The following PRR3 variants were observed in gnomAD, a reference collection of about 807,000 sequenced individuals.
The protein encoded by PRR3 is proline rich 3, also known as proline-rich protein 3.
PRR3 carries 16 observed loss-of-function variants against 22.4 expected under a neutral mutation model. The observed-to-expected ratio is 0.71, with a 90% CI of 0.48 to 1.09. The LOEUF (loss-of-function observed/expected upper bound fraction) is 1.09, where lower values mean the gene tolerates loss of function less well. PRR3 is among the 50% of genes least tolerant of loss of function. PRR3 has a pLI of 0.00. For missense variants in PRR3, 224 were observed against 243.4 expected, an observed-to-expected ratio of 0.92 and a Z score of 0.53; for synonymous variants, 87 against 88.6, an observed-to-expected ratio of 0.98 and a Z score of 0.10.
chr6:30,559,031 C>T (rs938142979), intron 2 of PRR3, among the ~76,000 whole-genome samples: 24 of 152,296 alleles, frequency 1.6e-4, no homozygotes, highest in African/African-American at 5.8e-4. Context: ...AAGAAATGCA[C>T]GTATACACAC....
chr6:30,559,032 G>A (rs1234324585), intron 2 of PRR3, among the ~76,000 whole-genome samples: 2 of 152,202 alleles, frequency 1.3e-5, no homozygotes, highest in African/African-American at 4.8e-5. Context: ...AGAAATGCAC[G>A]TATACACACT....
Position 30,562,406 on chromosome 6 carries a change from G to A in PRR3, c.478G>A (p.Val160Ile), listed in dbSNP as rs770197063. The change falls in exon 4 of 4, where the codon GTC becomes ATC. Residue 160 changes from valine to isoleucine, a missense_variant. Coordinates refer to ENST00000376560, the MANE Select transcript of PRR3 (RefSeq NM_025263.4). ...QVMEDKSDRPVCRHFAKKGHC... is the reference protein window; with the variant it reads ...QVMEDKSDRPICRHFAKKGHC... ...GTTCACAGACAAATCCGACCGCCCT[G>A]TCTGCCGACATTTTGCCAAAAAGGG... The A allele has an allele frequency of 6.8e-6, 11 of 1,614,042 alleles. No homozygotes were observed. The highest frequency in any genetic ancestry group is 6.8e-6 in the Non-Finnish European group (8 of 1,179,934).
chr6:30,556,988 G>A (rs1161602666), upstream of PRR3: 2 of 653,990 alleles, frequency 3.1e-6, no homozygotes, highest in Non-Finnish European at 5.5e-6. This position sits in a 1 kb window ranked among gnomAD's most constrained non-coding sequence, Gnocchi z 5.7. Flanking sequence ...CGATCTTACG[G>A]TGCGACAGTC....
chr6:30,563,685 A>G lies in PRR3; in HGVS notation c.*1190A>G, dbSNP rs1328798464. ...TTTTTTTCTTTTTAACTTTTTTTATATTAGTAATAAATGCAGTGGAAACCA... is the reference window on the plus strand; with the variant it reads ...TTTTTTTCTTTTTAACTTTTTTTATGTTAGTAATAAATGCAGTGGAAACCA... On this transcript the variant is annotated 3_prime_UTR_variant, in exon 4 of 4. Coordinates refer to ENST00000376560, the MANE Select transcript of PRR3 (RefSeq NM_025263.4). 1 of 146,328 alleles carries G rather than the reference A, an allele frequency of 6.8e-6. No homozygotes were observed. The highest frequency in any genetic ancestry group is 2.5e-5 in the African/African-American group (1 of 39,512). The allele number at this position is 146,328 out of a possible 1,614,324, so 9.1% of individuals were successfully genotyped here. A position where few individuals can be genotyped will look rare whatever the true frequency, so the allele number is the denominator to read the frequency against.
upstream of PRR3, chr6:30,557,271 AG>A: frequency 8.6e-7 from 1 of 1,156,374 alleles, no homozygotes; most frequent in Non-Finnish European, 1.3e-6. Context: ...ACCCCCCGGA[AG>A]CGGAAACAGA....
chr6:30,562,584 G>C lies in PRR3; in HGVS notation c.*89G>C. On this transcript the variant is annotated 3_prime_UTR_variant, in exon 4 of 4. Coordinates refer to ENST00000376560, the MANE Select transcript of PRR3 (RefSeq NM_025263.4). ...GTAGCCCTATGATGGCTACTGTGAG[G>C]CTCTTCTAACACCCTCAGTCAGTGA... 2.4e-6 allele frequency: 2 copies of C among 825,782 alleles called. No individual in the cohort carries two copies. The highest frequency in any genetic ancestry group is 3.9e-5 in the Admixed American group (2 of 50,732). 51.2% of individuals were successfully genotyped at this position (825,782 alleles called of 1,614,324 possible).
At chr6:30,562,166 TA>T (rs1189674596) in intron 3 of PRR3, 42 bp downstream of exon 3, 2 of 1,515,746 alleles carry the variant, frequency 1.3e-6, no homozygotes, top group Non-Finnish European at 1.8e-6. Flanking sequence ...CAGAGTGACC[TA>T]ATTTTCAGAA....
At chr6:30,556,883 GGAAACCC>G (rs1800252071), upstream of PRR3, 1 of 598,786 alleles carries the variant, frequency 1.7e-6, no homozygotes, top group Non-Finnish European at 3.0e-6. This position sits in a 1 kb window ranked among gnomAD's most constrained non-coding sequence, Gnocchi z 5.7. Flanking sequence ...GGGCGAGAAG[GGAAACCC>G]AAGCGGGACA....
At chr6:30,558,120 T>C in intron 1 of PRR3, 30 bp from the exon 2 acceptor site, 1 of 1,579,836 alleles carries the variant, frequency 6.3e-7, no homozygotes, top group East Asian at 2.2e-5. Flanking sequence ...TAATCCATTC[T>C]GATGACCATA....
At chr6:30,558,604 C>T (rs1442794275) in intron 2 of PRR3, among the ~76,000 whole-genome samples, 3 of 152,126 alleles carry the variant, frequency 2.0e-5, no homozygotes, top group Non-Finnish European at 2.9e-5. Flanking sequence ...GTGCGAGGAT[C>T]CTTTGAGCCC....
chr6:30,562,697 C>G lies in PRR3; in HGVS notation c.*202C>G. On this transcript the variant is annotated 3_prime_UTR_variant, in exon 4 of 4. Coordinates refer to ENST00000376560, the MANE Select transcript of PRR3 (RefSeq NM_025263.4). Reference sequence around the variant, plus strand: ...CGCGGCATACGCGCTTTCTTCTGATCCAGCCTGTAGAGACTCGCCTTTGGG... The same window carrying G: ...CGCGGCATACGCGCTTTCTTCTGATGCAGCCTGTAGAGACTCGCCTTTGGG... The G allele has an allele frequency of 1.9e-6, 1 of 519,894 alleles. No homozygotes were observed. The highest frequency in any genetic ancestry group is 3.4e-6 in the Non-Finnish European group (1 of 293,162). The allele number at this position is 519,894 out of a possible 1,614,324, so 32.2% of individuals were successfully genotyped here. A position where few individuals can be genotyped will look rare whatever the true frequency, so the allele number is the denominator to read the frequency against.
rs200526247 is a variant in PRR3, at chr6:30,561,980, G to A, written c.316G>A (p.Ala106Thr). 276 of 1,612,936 alleles carry A rather than the reference G, an allele frequency of 1.7e-4. 1 individual carries two copies. The highest frequency in any genetic ancestry group is 2.2e-4 in the Non-Finnish European group (256 of 1,180,038). Residue 106 changes from alanine to threonine, a missense_variant, in exon 3 of 4, where the codon GCA (alanine) becomes ACA (threonine). Coordinates refer to ENST00000376560, the MANE Select transcript of PRR3 (RefSeq NM_025263.4). This position sits in a 1 kb window ranked among gnomAD's most constrained non-coding sequence, Gnocchi z 4.0. Reference sequence around the variant, plus strand: ...TGGTCGTGGTTGGTGGGGAGTCAATGCAGAACCTCCTTTTCCGGGGCCAGG... The same window carrying A: ...TGGTCGTGGTTGGTGGGGAGTCAATACAGAACCTCCTTTTCCGGGGCCAGG... ...PYGRGWWGVN[A>T]EPPFPGPGHG...
chr6:30,562,443 A>T lies in PRR3; in HGVS notation c.515A>T (p.Tyr172Phe). Reference sequence around the variant, plus strand: ...TTTGCCAAAAAGGGCCACTGTCGATATGAGGACCTCTGTGCCTTCTACCAT... The same window carrying T: ...TTTGCCAAAAAGGGCCACTGTCGATTTGAGGACCTCTGTGCCTTCTACCAT... ...RHFAKKGHCR[Y>F]EDLCAFYHPG... Residue 172 changes from tyrosine to phenylalanine, a missense_variant, in exon 4 of 4, where the codon TAT becomes TTT. Transcript: ENST00000376560. The T allele has an allele frequency of 6.2e-7, 1 of 1,614,220 alleles. No homozygotes were observed. Among genetic ancestry groups the T allele is most frequent in the South Asian group, 1.1e-5 (1 of 91,084 alleles).
At position 30,561,474 on chromosome 6, in the gene PRR3, G is replaced by A. The variant is rs541897740; in HGVS notation, c.170-360G>A. On this transcript the variant is annotated intron_variant, in intron 2 of 3. Coordinates refer to ENST00000376560, the MANE Select transcript of PRR3 (RefSeq NM_025263.4). The surrounding 1 kb of genome is among the most constrained non-coding windows in gnomAD (Gnocchi z 4.0). ...GGATGAATCTCACAAACATGATGTT[G>A]AGCGAAAGGAGCCAGACATAAAAGA... is the stretch of plus-strand genomic sequence containing the variant. 1 of 519,008 alleles carries A rather than the reference G, an allele frequency of 1.9e-6. No individual in the cohort carries two copies. Among genetic ancestry groups the A allele is most frequent in the Admixed American group, 2.3e-5 (1 of 43,176 alleles). 32.2% of individuals were successfully genotyped at this position (519,008 alleles called of 1,614,324 possible). A position where few individuals can be genotyped will look rare whatever the true frequency, so the allele number is the denominator to read the frequency against.
chr6:30,561,275 C>T lies in PRR3; in HGVS notation c.170-559C>T, dbSNP rs1335489183. On this transcript the variant is annotated intron_variant, in intron 2 of 3. Coordinates refer to ENST00000376560, the MANE Select transcript of PRR3 (RefSeq NM_025263.4). The surrounding 1 kb of genome is among the most constrained non-coding windows in gnomAD (Gnocchi z 4.0). ...CGTATATATTCAACAGAAATGCATA[C>T]GTATGTGTAACAACATGTATAAAAA... The T allele has an allele frequency of 8.9e-6, 4 of 447,332 alleles. No homozygotes were observed. The highest frequency in any genetic ancestry group is 4.8e-5 in the Admixed American group (2 of 41,446). The allele number at this position is 447,332 out of a possible 1,614,324, so 27.7% of individuals were successfully genotyped here.
intron 2 of PRR3, chr6:30,560,079 C>G (rs1269777393): frequency 1.3e-5 from 2 of 152,242 alleles, no homozygotes; most frequent in Non-Finnish European, 1.5e-5. Context: ...AAGTCAAATT[C>G]AGGGGCTGGG....
Position 30,563,243 on chromosome 6 carries a change from A to G in PRR3, c.*748A>G, listed in dbSNP as rs1490213481. ...GCCCTCTGGACTTTCCCACTTCCCA[A>G]CATGGGAGAATTGTGAACTTTCCAT... On this transcript the variant is annotated 3_prime_UTR_variant, in exon 4 of 4. Coordinates refer to ENST00000376560, the MANE Select transcript of PRR3 (RefSeq NM_025263.4). 6.6e-6 allele frequency: 1 copy of G among 152,522 alleles called. No individual in the cohort carries two copies. Among genetic ancestry groups the G allele is most frequent in the East Asian group, 1.9e-4 (1 of 5,190 alleles). 9.4% of individuals were successfully genotyped at this position (152,522 alleles called of 1,614,324 possible). A position where few individuals can be genotyped will look rare whatever the true frequency, so the allele number is the denominator to read the frequency against.
rs1018729878 is a variant in PRR3 at position 30,557,305 on chromosome 6, C to T, written c.-40C>T. On this transcript the variant is annotated 5_prime_UTR_variant, in exon 1 of 4. Transcript: ENST00000376560. Reference sequence around the variant, plus strand: ...AGAATCCCCGCGTGCCCCTTCCTCACTACCCTCCAAATCCCGCTGCAGCCA... The same window carrying T: ...AGAATCCCCGCGTGCCCCTTCCTCATTACCCTCCAAATCCCGCTGCAGCCA... 29 of 1,539,414 alleles carry T rather than the reference C, an allele frequency of 1.9e-5. No homozygotes were observed. Among genetic ancestry groups the T allele is most frequent in the Non-Finnish European group, 2.6e-5 (29 of 1,120,506 alleles).
intron 2 of PRR3, among the ~76,000 whole-genome samples, chr6:30,558,669 A>G (rs1800417248): frequency 6.6e-6 from 1 of 152,186 alleles, no homozygotes; most frequent in Non-Finnish European, 1.5e-5. Context: ...TCTAAATACA[A>G]GAAGAAAAAA....
Sources: gnomAD v4.1 joint callset for allele counts (sites outside exome capture counted in the v4.1 genomes callset) on GRCh38, gnomAD v4.1.1 for gene constraint, Gnocchi (gnomAD v3.1) non-coding constraint, MANE v1.5 for transcripts, NCBI Gene and HGNC (gene_info 2026-07-23, HGNC 2026-07-21) for gene names.